Variants in CPSF4 observed in about 807,000 individuals in gnomAD.
CPSF4 encodes cleavage and polyadenylation specific factor 4.
Under a neutral mutation model 37.7 loss-of-function variants are expected in CPSF4, and 11 were observed. The ratio of observed to expected loss-of-function variants is 0.29; its 90% confidence interval spans 0.18 to 0.48. The LOEUF is 0.48. Among genes scored for constraint, CPSF4 ranks in the 20% least tolerant of loss-of-function variants. CPSF4 has a pLI of 0.99. For synonymous variants in CPSF4, 132 were observed against 135.9 expected, an observed-to-expected ratio of 0.97 and a Z score of 0.20; for missense variants, 144 against 359.5, an observed-to-expected ratio of 0.40 and a Z score of 4.85.
chr7:99,452,314 C>T (rs1797986969), intron 5 of CPSF4, 54 bp from the exon 6 acceptor site: 4 of 1,461,956 alleles, frequency 2.7e-6, no homozygotes, highest in Non-Finnish European at 3.8e-6. Flanking sequence ...CTCTTCTCAT[C>T]CCCTGACCCC....
At chr7:99,452,316 CCT>C (rs1797988053) in intron 5 of CPSF4, 50 bp from the exon 6 acceptor site, 39 of 1,484,548 alleles carry the variant, frequency 2.6e-5, no homozygotes, top group Non-Finnish European at 3.5e-5. Flanking sequence ...CTTCTCATCC[CCT>C]GACCCCACTC....
chr7:99,444,935 T>C (rs1042074728), intron 2 of CPSF4, 96 bp downstream of exon 2: 11 of 1,070,144 alleles, frequency 1.0e-5, no homozygotes, highest in Admixed American at 1.8e-5. Context: ...CTGGCTTACA[T>C]TGCTTTCTAC....
intron 1 of CPSF4, among the ~76,000 whole-genome samples, chr7:99,442,610 A>T (rs1214899725): frequency 1.4e-5 from 2 of 143,542 alleles, no homozygotes; most frequent in East Asian, 4.1e-4. Flanking sequence ...GTGAGCCGAG[A>T]TCACACCACT....
intron 1 of CPSF4, among the ~76,000 whole-genome samples, chr7:99,442,186 A>G (rs1797044953): frequency 6.6e-6 from 1 of 152,148 alleles, no homozygotes; most frequent in Non-Finnish European, 1.5e-5. Context: ...TAAAATGGTT[A>G]CTTGTAGAGG....
intron 1 of CPSF4, among the ~76,000 whole-genome samples, chr7:99,440,655 C>CATGCAT (rs1554362524): frequency 3.3e-5 from 3 of 90,636 alleles, no homozygotes; most frequent in African/African-American, 2.6e-4. Context: ...CTGCACCTGG[C>CATGCAT]ATATATATAT....
chr7:99,444,984 G>C (rs1797359445), intron 2 of CPSF4, 145 bp downstream of exon 2: 1 of 716,220 alleles, frequency 1.4e-6, no homozygotes, highest in Non-Finnish European at 2.4e-6. Context: ...GTTTGGACAG[G>C]CTAGGACCCT....
At position 99,453,723 on chromosome 7, in the gene CPSF4, T is replaced by G; in HGVS notation, c.571-243T>G. ...GCCCCAGAGACCTCCTCTTGTCTCT[T>G]TGATGTTTTGTTTTCTATTTTATTT... On this transcript the variant is annotated intron_variant, in intron 6 of 7. Coordinates refer to ENST00000292476, the MANE Select transcript of CPSF4 (RefSeq NM_006693.4). This position sits in a 1 kb window ranked among gnomAD's most constrained non-coding sequence, Gnocchi z 4.7. 1.5e-5 allele frequency: 7 copies of G among 462,238 alleles called. No individual in the cohort carries two copies. Among genetic ancestry groups the G allele is most frequent in the Middle Eastern group, 5.7e-4 (1 of 1,760 alleles). The allele number at this position is 462,238 out of a possible 1,614,324, so 28.6% of individuals were successfully genotyped here.
At chr7:99,455,245 T>G (rs1798227265) in intron 7 of CPSF4, among the ~76,000 whole-genome samples, 1 of 152,174 alleles carries the variant, frequency 6.6e-6, no homozygotes. Context: ...CAGAGACACT[T>G]CATGTAAGTC....
At chr7:99,445,091 G>C (rs757707645) in intron 2 of CPSF4, among the ~76,000 whole-genome samples, 39 of 152,298 alleles carry the variant, frequency 2.6e-4, no homozygotes, top group Non-Finnish European at 5.3e-4. Context: ...GCTGACCTGT[G>C]ACATGGAGAG....
intron 6 of CPSF4, 95 bp downstream of exon 6, chr7:99,452,535 C>A: frequency 8.8e-7 from 1 of 1,138,488 alleles, no homozygotes; most frequent in Non-Finnish European, 1.3e-6. Context: ...TTAGACCCCG[C>A]TGGACAACTT....
intron 1 of CPSF4, among the ~76,000 whole-genome samples, chr7:99,440,674 A>ATATATATATATATATTTTT: frequency 4.5e-5 from 4 of 88,086 alleles, no homozygotes; most frequent in South Asian, 8.5e-4. Context: ...ATATATATAT[A>ATATATATATATATATTTTT]TTTTTTTTTT....
chr7:99,443,243 C>T, intron 1 of CPSF4: 3 of 774,910 alleles, frequency 3.9e-6, no homozygotes, highest in Non-Finnish European at 7.2e-6. Context: ...TAATTTTCAC[C>T]ACTTTCTTCT....
chr7:99,438,990 A>G lies in CPSF4; in HGVS notation c.-93A>G. On this transcript the variant is annotated 5_prime_UTR_variant, in exon 1 of 8. Coordinates refer to ENST00000292476, the MANE Select transcript of CPSF4 (RefSeq NM_006693.4). Reference sequence around the variant, plus strand: ...CGGCGGCGGCGAGGCGAAGCGAAGGAGGAGTGTGTGCGGCGGGGCCGGCGG... The same window carrying G: ...CGGCGGCGGCGAGGCGAAGCGAAGGGGGAGTGTGTGCGGCGGGGCCGGCGG... 1.6e-6 allele frequency: 2 copies of G among 1,274,476 alleles called. No individual in the cohort carries two copies. Among genetic ancestry groups the G allele is most frequent in the Non-Finnish European group, 2.0e-6 (2 of 977,202 alleles). The allele number at this position is 1,274,476 out of a possible 1,614,324, so 78.9% of individuals were successfully genotyped here.
At position 99,440,655 on chromosome 7, in the gene CPSF4, C is replaced by CATATATATATAT. The variant is rs1228721219; in HGVS notation, c.103+1479_103+1490dup. On this transcript the variant is annotated intron_variant, in intron 1 of 7. Transcript: ENST00000292476. ...TATAGGCATGAGCCACTGCACCTGGCATATATATATATATATATATTTTTT... is the reference window on the plus strand; with the variant it reads ...TATAGGCATGAGCCACTGCACCTGGCATATATATATATATATATATATATATATATATTTTTT... 2.3e-4 allele frequency among the ~76,000 whole-genome samples: 21 copies of CATATATATATAT among 90,582 alleles called. 2 individuals carry two copies. Among genetic ancestry groups the CATATATATATAT allele is most frequent in the African/African-American group, 1.3e-3 (15 of 11,722 alleles). The allele number at this position is 90,582 out of a possible 152,430, so 59.4% of individuals were successfully genotyped here.
intron 1 of CPSF4, among the ~76,000 whole-genome samples, chr7:99,439,841 C>T (rs1230063254): frequency 6.6e-6 from 1 of 152,120 alleles, no homozygotes; most frequent in Non-Finnish European, 1.5e-5. Flanking sequence ...TTCTAGGACT[C>T]ACTCTCCTGG....
At chr7:99,442,606 C>T (rs1257546488) in intron 1 of CPSF4, among the ~76,000 whole-genome samples, 1 of 129,558 alleles carries the variant, frequency 7.7e-6, no homozygotes, top group African/African-American at 3.2e-5. Context: ...TGCAGTGAGC[C>T]GAGATCACAC....
In CPSF4 at chr7:99,442,262, C is replaced by T. The variant is rs149837316; in HGVS notation, c.104-2527C>T. ...GGGGCTGGTGAATTCCTGGACTCAT[C>T]AGAACAGCTGGTCCCTGGAGCCCAC... On this transcript the variant is annotated intron_variant, in intron 1 of 7. Coordinates refer to ENST00000292476, the MANE Select transcript of CPSF4 (RefSeq NM_006693.4). Among the ~76,000 whole-genome samples the T allele has an allele frequency of 6.1e-3, 930 of 152,282 alleles. 4 individuals carry two copies. The highest frequency in any genetic ancestry group is 8.2e-3 in the Non-Finnish European group (560 of 68,034).
chr7:99,439,026 C>T lies in CPSF4; in HGVS notation c.-57C>T. 1 of 1,517,490 alleles carries T rather than the reference C, an allele frequency of 6.6e-7. No individual in the cohort carries two copies. The highest frequency in any genetic ancestry group is 2.5e-5 in the East Asian group (1 of 40,670). 94.0% of individuals were successfully genotyped at this position (1,517,490 alleles called of 1,614,324 possible). A position where few individuals can be genotyped will look rare whatever the true frequency, so the allele number is the denominator to read the frequency against. On this transcript the variant is annotated 5_prime_UTR_variant, in exon 1 of 8. Transcript: ENST00000292476. ...CGGCGGGGCCGGCGGCGGGTAAAGGCGAGAAGGCTGCAGGAGACCGAGGGG... is the reference window on the plus strand; with the variant it reads ...CGGCGGGGCCGGCGGCGGGTAAAGGTGAGAAGGCTGCAGGAGACCGAGGGG...
intron 1 of CPSF4, 190 bp downstream of exon 1, chr7:99,439,375 C>T (rs1228000789): frequency 2.9e-5 from 15 of 511,576 alleles, no homozygotes; most frequent in Non-Finnish European, 4.5e-5. Context: ...CCTCCGGGTC[C>T]TGGGATCCTC....
Sources: allele counts gnomAD v4.1 joint callset (sites outside exome capture counted in the v4.1 genomes callset), GRCh38; gene constraint gnomAD v4.1.1; non-coding constraint Gnocchi (gnomAD v3.1); transcripts MANE v1.5; gene names NCBI Gene and HGNC (gene_info 2026-07-23, HGNC 2026-07-21).